The following ATF6 variants were observed in gnomAD, a reference collection of about 807,000 sequenced individuals.
The protein encoded by ATF6 is cyclic AMP-dependent transcription factor ATF-6 alpha.
Under a neutral mutation model 83.6 loss-of-function variants are expected in ATF6, and 53 were observed. The ratio of observed to expected loss-of-function variants is 0.63; its 90% CI spans 0.51 to 0.80. ATF6 has a LOEUF of 0.80. ATF6 is among the 30% of genes least tolerant of loss of function. The pLI is 0.00. For missense variants in ATF6, 744 were observed against 797.9 expected, an observed-to-expected ratio of 0.93 and a Z score of 0.81; for synonymous variants, 288 against 285.8, an observed-to-expected ratio of 1.01 and a Z score of -0.08.
At chr1:161,876,599 G>C (rs531944360) in intron 14 of ATF6, among the ~76,000 whole-genome samples, 11 of 152,030 alleles carry the variant, frequency 7.2e-5, no homozygotes, top group African/African-American at 2.7e-4. Context: ...GTTTCAGAAT[G>C]ACATCACAAC....
chr1:161,901,662 T>A (rs1300719153), intron 14 of ATF6, among the ~76,000 whole-genome samples: 1 of 152,142 alleles, frequency 6.6e-6, no homozygotes, highest in Non-Finnish European at 1.5e-5. Flanking sequence ...CTCATGCAGG[T>A]AAGTAGTTGC....
intron 3 of ATF6, among the ~76,000 whole-genome samples, chr1:161,783,412 C>A (rs1042716332): frequency 3.3e-5 from 5 of 151,934 alleles, no homozygotes; most frequent in Non-Finnish European, 5.9e-5. Context: ...TCTTTGACAC[C>A]AAGGGATACT....
At chr1:161,773,140 ATTT>A (rs759769528) in intron 1 of ATF6, among the ~76,000 whole-genome samples, 1 of 130,070 alleles carries the variant, frequency 7.7e-6, no homozygotes, top group Admixed American at 8.4e-5. Flanking sequence ...TACTTTTTGT[ATTT>A]TTTTTTTTTT....
chr1:161,820,929 T>A, intron 8 of ATF6, 141 bp from the exon 9 acceptor site: 1 of 485,714 alleles, frequency 2.1e-6, no homozygotes, highest in East Asian at 3.6e-5. Flanking sequence ...CTTTGATTTT[T>A]TTTTTTTTTT....
intron 7 of ATF6, among the ~76,000 whole-genome samples, chr1:161,809,298 G>GT (rs983825435): frequency 2.0e-5 from 3 of 152,076 alleles, no homozygotes; most frequent in Admixed American, 1.3e-4. Context: ...TGTGTGTTCG[G>GT]TTTTTTGTCC....
At position 161,853,347 on chromosome 1, in the gene ATF6, C is replaced by A. The variant is rs759227458; in HGVS notation, c.1533+24C>A. 7 of 1,570,930 alleles carry A rather than the reference C, an allele frequency of 4.5e-6. No homozygotes were observed. In the Admixed American group the frequency reaches 1.0e-4, roughly 23 times the overall value. ...AGGTATGTTTCTGTTTGTCTTTGAA[C>A]AATAGTTGGCGTATTTGTTGGAAGG... On this transcript the variant is annotated intron_variant, in intron 12 of 15. Transcript: ENST00000367942.
chr1:161,860,413 T>C (rs1686858429), intron 13 of ATF6, 136 bp downstream of exon 13: 2 of 253,436 alleles, frequency 7.9e-6, no homozygotes, highest in Middle Eastern at 1.1e-3. Context: ...CTCTAAGATA[T>C]ATATATATAT....
At position 161,960,674 on chromosome 1, in the gene ATF6, C is replaced by T. The variant is rs931682760; in HGVS notation, c.*2020C>T. ...CCACATTACAAACCTTTTTAAGCAG[C>T]GCAGCACTCCCCTTAGATTTGGCTA... On this transcript the variant is annotated 3_prime_UTR_variant, in exon 16 of 16. Transcript: ENST00000367942. 1 of 152,194 alleles carries T rather than the reference C, an allele frequency of 6.6e-6. No homozygotes were observed. Among genetic ancestry groups the T allele is most frequent in the Non-Finnish European group, 1.5e-5 (1 of 68,066 alleles). The allele number at this position is 152,194 out of a possible 1,614,324, so 9.4% of individuals were successfully genotyped here.
chr1:161,860,180 A>T (rs1362170694), intron 12 of ATF6, 27 bp from the exon 13 acceptor site: 2 of 1,480,816 alleles, frequency 1.4e-6, no homozygotes, highest in East Asian at 2.3e-5. Flanking sequence ...ATACAGTATT[A>T]AACTTTTTTT....
At position 161,943,892 on chromosome 1, in the gene ATF6, G is replaced by A. The variant is rs147773702; in HGVS notation, c.1805-14554G>A. On this transcript the variant is annotated intron_variant, in intron 15 of 15. Coordinates refer to ENST00000367942, the MANE Select transcript of ATF6 (RefSeq NM_007348.4). ...TACTGTGTATTTACTTACTTCTCTCGCTTACCATCTGCTCACTAGAATGTG... is the reference window on the plus strand; with the variant it reads ...TACTGTGTATTTACTTACTTCTCTCACTTACCATCTGCTCACTAGAATGTG... Among the ~76,000 whole-genome samples the A allele has an allele frequency of 6.5e-3, 981 of 152,028 alleles. 12 individuals are homozygous for A. The highest frequency in any genetic ancestry group is 0.023 in the African/African-American group (946 of 41,442).
At chr1:161,791,667 A>G in intron 5 of ATF6, 130 bp downstream of exon 5, 3 of 1,013,224 alleles carry the variant, frequency 3.0e-6, no homozygotes, top group Admixed American at 3.1e-5. Context: ...TGGTGGACCT[A>G]TATTGTTTGT....
intron 4 of ATF6, among the ~76,000 whole-genome samples, chr1:161,788,799 A>G (rs1684805482): frequency 6.6e-6 from 1 of 152,008 alleles, no homozygotes; most frequent in Admixed American, 6.6e-5. Context: ...TCCTAACTGT[A>G]TTGTCTTTAT....
At chr1:161,796,613 A>T (rs1249174346) in intron 6 of ATF6, among the ~76,000 whole-genome samples, 1 of 152,016 alleles carries the variant, frequency 6.6e-6, no homozygotes, top group Non-Finnish European at 1.5e-5. Flanking sequence ...TGACTAATAA[A>T]CTCCAAGTTC....
At chr1:161,877,738 G>A (rs139376787) in intron 14 of ATF6, among the ~76,000 whole-genome samples, 2,831 of 152,238 alleles carry the variant, frequency 0.019, 32 homozygotes, top group Middle Eastern at 0.068. Context: ...AACAGTAGGA[G>A]CAGAGAGAGC....
At chr1:161,899,820 T>G (rs528089217) in intron 14 of ATF6, among the ~76,000 whole-genome samples, 1 of 152,182 alleles carries the variant, frequency 6.6e-6, no homozygotes, top group Non-Finnish European at 1.5e-5. Flanking sequence ...TTCCACAGCT[T>G]ACTTCAATGC....
chr1:161,914,539 C>T (rs545560943), intron 15 of ATF6, among the ~76,000 whole-genome samples: 20 of 152,306 alleles, frequency 1.3e-4, no homozygotes, highest in Admixed American at 5.2e-4. Flanking sequence ...TCCGCGCCAC[C>T]TCAGCCTCCC....
chr1:161,773,519 G>A (rs1684446580), intron 1 of ATF6, among the ~76,000 whole-genome samples: 1 of 152,140 alleles, frequency 6.6e-6, no homozygotes, highest in African/African-American at 2.4e-5. Flanking sequence ...ACCCGCCTCG[G>A]CCTTCCAAAG....
intron 9 of ATF6, among the ~76,000 whole-genome samples, chr1:161,834,392 A>T (rs1424255904): frequency 6.6e-6 from 1 of 152,102 alleles, no homozygotes; most frequent in African/African-American, 2.4e-5. Flanking sequence ...TCCAACAATG[A>T]TAGACTGGAT....
chr1:161,848,936 T>G (rs1171209837), intron 10 of ATF6, among the ~76,000 whole-genome samples: 1 of 152,094 alleles, frequency 6.6e-6, no homozygotes, highest in East Asian at 1.9e-4. Flanking sequence ...ATCAGACTTT[T>G]TTTTTTTTTT....
Sources: gnomAD v4.1 joint callset for allele counts (sites outside exome capture counted in the v4.1 genomes callset) on GRCh38, gnomAD v4.1.1 for gene constraint, MANE v1.5 for transcripts, NCBI Gene and HGNC (gene_info 2026-07-23, HGNC 2026-07-21) for gene names.